FRYL: variants seen among roughly 807,000 people sequenced by gnomAD.
FRYL encodes the protein protein furry homolog-like.
FRYL carries 150 observed loss-of-function variants against 351.2 expected under a neutral mutation model. The observed-to-expected ratio is 0.43, with a 90% CI of 0.37 to 0.49. The LOEUF (loss-of-function observed/expected upper bound fraction) is 0.49, where lower values mean the gene tolerates loss of function less well. FRYL is among the 20% of genes least tolerant of loss of function. The pLI is 0.00. For missense variants in FRYL, 3,036 were observed against 3,619.3 expected (o/e 0.84, Z 4.13); for synonymous variants, 1,153 against 1,257.1 (o/e 0.92, Z 1.75).
chr4:48,595,573 T>G lies in FRYL; in HGVS notation c.1248+17A>C. 59 of 1,405,024 alleles carry G rather than the reference T, an allele frequency of 4.2e-5. No homozygotes were observed. Among genetic ancestry groups the G allele is most frequent in the Non-Finnish European group, 5.4e-5 (54 of 1,003,210 alleles). The allele number at this position is 1,405,024 out of a possible 1,614,324, so 87.0% of individuals were successfully genotyped here. A position where few individuals can be genotyped will look rare whatever the true frequency, so the allele number is the denominator to read the frequency against. On this transcript the variant is annotated intron_variant, in intron 15 of 63. Transcript: ENST00000358350. ...TAACAATTTATATACATACATACTA[T>G]GAGATGAAGCACTCACCTGAGCAAT...
At chr4:48,543,473 G>T (rs1033805783) in intron 44 of FRYL, among the ~76,000 whole-genome samples, 7 of 152,010 alleles carry the variant, frequency 4.6e-5, no homozygotes, top group African/African-American at 1.7e-4. Flanking sequence ...TTATCTTAAA[G>T]CATAAAATTC....
intron 16 of FRYL, among the ~76,000 whole-genome samples, chr4:48,591,679 C>T (rs373322482): frequency 1.3e-5 from 2 of 152,244 alleles, no homozygotes; most frequent in African/African-American, 4.8e-5. Flanking sequence ...TTCAAGGCAA[C>T]GTTCTCCTGG....
chr4:48,649,129 C>G (rs1401539452), intron 3 of FRYL, among the ~76,000 whole-genome samples: 1 of 151,994 alleles, frequency 6.6e-6, no homozygotes, highest in Non-Finnish European at 1.5e-5. Flanking sequence ...AATACTAGAC[C>G]TATAAATACT....
intron 1 of FRYL, among the ~76,000 whole-genome samples, chr4:48,748,157 G>C (rs909239906): frequency 1.3e-5 from 2 of 151,878 alleles, no homozygotes; most frequent in Non-Finnish European, 2.9e-5. Flanking sequence ...GAGGCAGGGG[G>C]ATCATTTGAA....
intron 3 of FRYL, among the ~76,000 whole-genome samples, chr4:48,684,120 T>C (rs576640070): frequency 3.9e-5 from 6 of 152,336 alleles, no homozygotes; most frequent in South Asian, 2.1e-4. Flanking sequence ...TTAGGTGTTA[T>C]AGAAGATCCC....
At chr4:48,756,232 C>CAAAAAAA (rs1228377900) in intron 1 of FRYL, among the ~76,000 whole-genome samples, 1 of 97,044 alleles carries the variant, frequency 1.0e-5, no homozygotes, top group African/African-American at 3.8e-5. Flanking sequence ...GACTTTGTCT[C>CAAAAAAA]AAAAAAAAAA....
At chr4:48,663,368 A>G (rs1260539790) in intron 3 of FRYL, among the ~76,000 whole-genome samples, 1 of 150,686 alleles carries the variant, frequency 6.6e-6, no homozygotes, top group Non-Finnish European at 1.5e-5. Flanking sequence ...TATACATAAA[A>G]TAAGCCAAGA....
chr4:48,693,196 C>A (rs1765830071), intron 2 of FRYL, among the ~76,000 whole-genome samples: 1 of 152,186 alleles, frequency 6.6e-6, no homozygotes, highest in African/African-American at 2.4e-5. Context: ...CCACTTACTC[C>A]ATTTAAGCTA....
intron 50 of FRYL, among the ~76,000 whole-genome samples, chr4:48,530,586 G>T (rs1332695638): frequency 1.3e-5 from 2 of 152,010 alleles, no homozygotes; most frequent in African/African-American, 2.4e-5. Flanking sequence ...CCCTTCCTAT[G>T]CCTTCAGCCT....
At chr4:48,556,938 T>C (rs751097759) in intron 35 of FRYL, 40 bp downstream of exon 35, 6 of 1,487,166 alleles carry the variant, frequency 4.0e-6, no homozygotes, top group Admixed American at 2.0e-5. Context: ...CTAGTAAATA[T>C]ATACATATAT....
chr4:48,633,341 A>G (rs775879120), intron 4 of FRYL, among the ~76,000 whole-genome samples: 3 of 152,136 alleles, frequency 2.0e-5, no homozygotes, highest in Non-Finnish European at 4.4e-5. Context: ...TAATAATTCT[A>G]TATTTTCTTT....
intron 23 of FRYL, among the ~76,000 whole-genome samples, chr4:48,578,058 T>C (rs1273144466): frequency 6.6e-6 from 1 of 150,630 alleles, no homozygotes; most frequent in Non-Finnish European, 1.5e-5. Context: ...AAAAATAAGA[T>C]TGAATTTGAA....
At chr4:48,516,492 G>A (rs1416446526) in intron 55 of FRYL, among the ~76,000 whole-genome samples, 1 of 152,198 alleles carries the variant, frequency 6.6e-6, no homozygotes, top group Non-Finnish European at 1.5e-5. Flanking sequence ...ATAAAGATCA[G>A]CTTCTTTTGA....
At chr4:48,525,447 C>G (rs1725913092) in intron 53 of FRYL, among the ~76,000 whole-genome samples, 1 of 152,120 alleles carries the variant, frequency 6.6e-6, no homozygotes, top group Non-Finnish European at 1.5e-5. Flanking sequence ...GCAGGGGGCA[C>G]TGAGGCATGT....
rs1744076131 is a variant in FRYL, at chr4:48,594,005, A to C, written c.1260T>G (p.Asp420Glu). 1 of 1,479,712 alleles carries C rather than the reference A, an allele frequency of 6.8e-7. No individual in the cohort carries two copies. Among genetic ancestry groups the C allele is most frequent in the African/African-American group, 1.5e-5 (1 of 68,414 alleles). The allele number at this position is 1,479,712 out of a possible 1,614,324, so 91.7% of individuals were successfully genotyped here. The part of the protein sequence containing the change: ...IIQFIAQERL[D>E]FAMKEIIFDL... The stretch of plus-strand genomic sequence containing the variant: ...CAAATATTATTTCTTTCATTGCAAA[A>C]TCCAAGCGTTCCTTAAAAAAAAAAA... Residue 420 changes from aspartate (D) to glutamate (E), a missense_variant, in exon 16 of 64, where the codon GAT becomes GAG. This residue lies in a region of FRYL where 457 missense variants were observed against 566.6 expected (regional missense o/e 0.81). Transcript: ENST00000358350.
chr4:48,729,014 G>T (rs1172116859), intron 1 of FRYL, among the ~76,000 whole-genome samples: 3 of 152,250 alleles, frequency 2.0e-5, no homozygotes, highest in African/African-American at 7.2e-5. Flanking sequence ...GTACACTCTT[G>T]CCTAAATACT....
rs1577782074 is a variant in FRYL, at chr4:48,498,087, CTTTCT to C, written c.*1330_*1334del. On this transcript the variant is annotated 3_prime_UTR_variant, in exon 64 of 64. Coordinates refer to ENST00000358350, the MANE Select transcript of FRYL (RefSeq NM_015030.2). ...GACTACATTCTTTTTTTTTTTTTTT[CTTTCT>C]TTTCTTACAAAATGCGATTTTAGAA... 1.9e-5 allele frequency: 2 copies of C among 107,110 alleles called. No homozygotes were observed. Among genetic ancestry groups the C allele is most frequent in the Non-Finnish European group, 4.1e-5 (2 of 49,114 alleles). 6.6% of individuals were successfully genotyped at this position (107,110 alleles called of 1,614,324 possible). A position where few individuals can be genotyped will look rare whatever the true frequency, so the allele number is the denominator to read the frequency against.
chr4:48,611,910 G>C (rs1748286088), intron 7 of FRYL, among the ~76,000 whole-genome samples: 1 of 152,112 alleles, frequency 6.6e-6, no homozygotes, highest in Admixed American at 6.6e-5. Context: ...ATAGTAGAGA[G>C]AATGTAAAAA....
At chr4:48,675,547 G>T (rs1024225078) in intron 3 of FRYL, among the ~76,000 whole-genome samples, 1 of 152,238 alleles carries the variant, frequency 6.6e-6, no homozygotes, top group Admixed American at 6.5e-5. Context: ...CGCTGCGCTC[G>T]ATTTCTCACC....
Sources: allele counts gnomAD v4.1 joint callset (sites outside exome capture counted in the v4.1 genomes callset), GRCh38; gene constraint gnomAD v4.1.1; regional missense constraint gnomAD v4.1.1; transcripts MANE v1.5; gene names NCBI Gene and HGNC (gene_info 2026-07-23, HGNC 2026-07-21).